The following PPP1R16B variants were observed in gnomAD, a reference collection of about 807,000 sequenced individuals.
PPP1R16B encodes the protein protein phosphatase 1 regulatory subunit 16B, also known as protein phosphatase 1 regulatory inhibitor subunit 16B.
In PPP1R16B, 14 loss-of-function variants were observed where a neutral mutation model predicts 61.7. The observed-to-expected ratio is 0.23, with a 90% CI of 0.15 to 0.35. The LOEUF is 0.35. Among genes scored for constraint, PPP1R16B ranks in the 10% least tolerant of loss-of-function variants. The probability of loss-of-function intolerance (pLI) is 1.00; values close to 1 mark genes in which losing one functional copy is unlikely to be tolerated. For synonymous variants in PPP1R16B, 266 were observed against 305.3 expected (o/e 0.87, Z 1.34); for missense variants, 547 against 752.5 (o/e 0.73, Z 3.19).
intron 2 of PPP1R16B, among the ~76,000 whole-genome samples, chr20:38,867,912 A>T (rs563349058): frequency 6.6e-6 from 1 of 152,292 alleles, no homozygotes; most frequent in South Asian, 2.1e-4. Flanking sequence ...ACCTCAGGTG[A>T]TCCGCCCATC....
At chr20:38,838,521 T>G (rs1218796340) in intron 2 of PPP1R16B, 1 of 152,302 alleles carries the variant, frequency 6.6e-6, no homozygotes, top group Non-Finnish European at 1.5e-5. Flanking sequence ...GTGAGCAGCC[T>G]GGGTGAAAAG....
chr20:38,822,080 A>C (rs1428687598), intron 1 of PPP1R16B, among the ~76,000 whole-genome samples: 1 of 150,532 alleles, frequency 6.6e-6, no homozygotes, highest in African/African-American at 2.4e-5. Flanking sequence ...CAGGCAATTA[A>C]CTTGACCAAA....
intron 2 of PPP1R16B, among the ~76,000 whole-genome samples, chr20:38,868,920 T>A (rs1195054539): frequency 6.6e-6 from 1 of 152,160 alleles, no homozygotes; most frequent in Non-Finnish European, 1.5e-5. Flanking sequence ...ATATCACCTG[T>A]TTTTATTTTT....
At chr20:38,836,701 A>G (rs760701988) in intron 2 of PPP1R16B, among the ~76,000 whole-genome samples, 5 of 152,020 alleles carry the variant, frequency 3.3e-5, no homozygotes, top group Non-Finnish European at 7.4e-5. Flanking sequence ...GTTTTTATTT[A>G]TTTATTTATT....
At chr20:38,844,447 T>A (rs1369702589) in intron 2 of PPP1R16B, among the ~76,000 whole-genome samples, 3 of 152,222 alleles carry the variant, frequency 2.0e-5, no homozygotes. Context: ...TTGCTAGACA[T>A]CCTTTAAGTA....
At chr20:38,863,299 C>T (rs2085067010) in intron 2 of PPP1R16B, among the ~76,000 whole-genome samples, 1 of 152,190 alleles carries the variant, frequency 6.6e-6, no homozygotes, top group African/African-American at 2.4e-5. Context: ...TCGTACTTCC[C>T]CTCCTGTCTG....
At chr20:38,888,986 C>T (rs2085269922) in intron 2 of PPP1R16B, among the ~76,000 whole-genome samples, 1 of 151,832 alleles carries the variant, frequency 6.6e-6, no homozygotes, top group Admixed American at 6.6e-5. Context: ...CCTCCTTCCC[C>T]AGGGCTCAGT....
At chr20:38,868,713 A>G (rs2085106388) in intron 2 of PPP1R16B, among the ~76,000 whole-genome samples, 1 of 152,182 alleles carries the variant, frequency 6.6e-6, no homozygotes, top group African/African-American at 2.4e-5. Context: ...CGGTTCACCA[A>G]TTGGATCCAG....
intron 3 of PPP1R16B, among the ~76,000 whole-genome samples, chr20:38,891,320 G>A (rs536527707): frequency 6.6e-6 from 1 of 152,146 alleles, no homozygotes; most frequent in Non-Finnish European, 1.5e-5. Flanking sequence ...GGAATAACAA[G>A]TACCCATCTC....
chr20:38,899,147 C>T (rs1017086499), intron 4 of PPP1R16B, among the ~76,000 whole-genome samples: 2 of 152,208 alleles, frequency 1.3e-5, no homozygotes, highest in African/African-American at 4.8e-5. Flanking sequence ...GACAGTACTG[C>T]TGCCCCAGCT....
intron 3 of PPP1R16B, among the ~76,000 whole-genome samples, chr20:38,894,412 G>A (rs913882605): frequency 1.5e-4 from 23 of 152,202 alleles, no homozygotes; most frequent in Non-Finnish European, 2.9e-4. Flanking sequence ...TTAACTGGGT[G>A]GCTTCAACAC....
chr20:38,894,175 G>A (rs1320794922), intron 3 of PPP1R16B, among the ~76,000 whole-genome samples: 1 of 151,004 alleles, frequency 6.6e-6, no homozygotes, highest in Admixed American at 6.6e-5. Flanking sequence ...GGTCTCTGGC[G>A]CCATCTGTGC....
At chr20:38,807,156 T>G (rs538913744) in intron 1 of PPP1R16B, among the ~76,000 whole-genome samples, 1 of 152,236 alleles carries the variant, frequency 6.6e-6, no homozygotes, top group African/African-American at 2.4e-5. Context: ...GGTACTTCCC[T>G]GTGTACCCTG....
In PPP1R16B at chr20:38,835,858, C is replaced by T. The variant is rs2084865751; in HGVS notation, c.-68C>T. On this transcript the variant is annotated 5_prime_UTR_variant, in exon 2 of 11. Transcript: ENST00000299824. ...ATGAGGCCCCAGCCCCACCAGAGGC[C>T]CCGCGCTGCCCTGGCCCCCGGTGCA... 3 of 1,453,482 alleles carry T rather than the reference C, an allele frequency of 2.1e-6. No homozygotes were observed. The African/African-American group carries it at 4.2e-5, about 21-fold the overall frequency. 90.0% of individuals were successfully genotyped at this position (1,453,482 alleles called of 1,614,324 possible).
At chr20:38,852,698 C>T (rs2084976904) in intron 2 of PPP1R16B, among the ~76,000 whole-genome samples, 1 of 140,410 alleles carries the variant, frequency 7.1e-6, no homozygotes, top group South Asian at 2.2e-4. Context: ...ATAGATGAGG[C>T]ATTGCTAGCA....
At chr20:38,824,766 C>T (rs149868367) in intron 1 of PPP1R16B, among the ~76,000 whole-genome samples, 83 of 152,376 alleles carry the variant, frequency 5.4e-4, no homozygotes, top group East Asian at 5.4e-3. Context: ...ATGGCGGCCA[C>T]GCCTGTAATC....
rs147028210 is a variant in PPP1R16B at position 38,905,822 on chromosome 20, C to T, written c.697-147C>T. The T allele has an allele frequency of 5.6e-5, 44 of 787,270 alleles. No individual in the cohort carries two copies. In the Middle Eastern group the frequency reaches 2.4e-3, roughly 42 times the overall value. The allele number at this position is 787,270 out of a possible 1,614,324, so 48.8% of individuals were successfully genotyped here. On this transcript the variant is annotated intron_variant, in intron 6 of 10. Transcript: ENST00000299824. ...TCCATATTTCAGACTTAATAATCCT[C>T]TGCAATGTGACTGGTATTTCCATTT...
intron 2 of PPP1R16B, among the ~76,000 whole-genome samples, chr20:38,839,939 G>T (rs1347319585): frequency 6.6e-6 from 1 of 152,204 alleles, no homozygotes; most frequent in Non-Finnish European, 1.5e-5. Flanking sequence ...TGGATCTGAA[G>T]GTATTAAATT....
intron 2 of PPP1R16B, among the ~76,000 whole-genome samples, chr20:38,888,849 G>C (rs1241370826): frequency 4.4e-5 from 6 of 135,860 alleles, no homozygotes; most frequent in Non-Finnish European, 9.4e-5. Context: ...TGTTCACTCT[G>C]GCCTCCCTGC....
Sources: gnomAD v4.1 joint callset for allele counts (sites outside exome capture counted in the v4.1 genomes callset) on GRCh38, gnomAD v4.1.1 for gene constraint, MANE v1.5 for transcripts, NCBI Gene and HGNC (gene_info 2026-07-23, HGNC 2026-07-21) for gene names.